Variants in LHX8 observed in about 807,000 individuals in gnomAD.
LHX8 encodes LIM/homeobox protein Lhx8.
In LHX8, 12 loss-of-function variants were observed where a neutral mutation model predicts 40.3. That is an observed-to-expected ratio of 0.30 (90% CI 0.19 to 0.48). The LOEUF (loss-of-function observed/expected upper bound fraction) is 0.48, where lower values mean the gene tolerates loss of function less well. Ranked by LOEUF, LHX8 falls within the 20% of genes least tolerant of loss-of-function variation. The pLI, the probability that LHX8 is intolerant of heterozygous loss-of-function variation, is 0.99. For missense variants in LHX8, 344 were observed against 433.7 expected, an observed-to-expected ratio of 0.79 and a Z score of 1.84; for synonymous variants, 179 against 162.0, an observed-to-expected ratio of 1.10 and a Z score of -0.80.
intron 8 of LHX8, chr1:75,159,492 T>G (rs1028404379): frequency 6.6e-6 from 1 of 152,120 alleles, no homozygotes; most frequent in African/African-American, 2.4e-5. Flanking sequence ...TCTCTATATC[T>G]AATATCCTGT....
chr1:75,136,383 G>A (rs1452185138), intron 1 of LHX8, among the ~76,000 whole-genome samples: 1 of 151,816 alleles, frequency 6.6e-6, no homozygotes, highest in Admixed American at 6.6e-5. Flanking sequence ...AGCGCGGGAC[G>A]AGCTACCAGC....
At chr1:75,137,781 C>A (rs1008929014) in intron 3 of LHX8, among the ~76,000 whole-genome samples, 1 of 152,176 alleles carries the variant, frequency 6.6e-6, no homozygotes, top group African/African-American at 2.4e-5. Flanking sequence ...TGTAAAGTAG[C>A]TTAAAGGATC....
intron 7 of LHX8, among the ~76,000 whole-genome samples, chr1:75,155,523 TGCGCCCG>T (rs1648740134): frequency 6.6e-6 from 1 of 152,114 alleles, no homozygotes; most frequent in Non-Finnish European, 1.5e-5. Context: ...AGTGAGCCAC[TGCGCCCG>T]GCCCATGAAG....
At chr1:75,195,409 A>G in the LHX8 span, among the ~76,000 whole-genome samples, 1 of 152,162 alleles carries the variant, frequency 6.6e-6, no homozygotes, top group African/African-American at 2.4e-5. Flanking sequence ...GAGAAAAGGA[A>G]ACAGTCCTTA....
intron 3 of LHX8, among the ~76,000 whole-genome samples, chr1:75,139,450 A>AT (rs967731171): frequency 6.6e-5 from 10 of 152,160 alleles, no homozygotes; most frequent in African/African-American, 2.4e-4. Context: ...AGCTTTAAAA[A>AT]CAAAACAAAA....
At chr1:75,158,648 C>T (rs1438837833) in intron 8 of LHX8, among the ~76,000 whole-genome samples, 2 of 152,056 alleles carry the variant, frequency 1.3e-5, no homozygotes, top group East Asian at 3.9e-4. Flanking sequence ...GACATATTTG[C>T]CATAAATCAA....
the LHX8 span, among the ~76,000 whole-genome samples, chr1:75,167,352 T>G: frequency 6.6e-6 from 1 of 152,190 alleles, no homozygotes; most frequent in Non-Finnish European, 1.5e-5. Flanking sequence ...ATAAAGTACT[T>G]AGAAAAGTAT....
intron 8 of LHX8, among the ~76,000 whole-genome samples, chr1:75,158,774 A>C (rs1288579025): frequency 2.0e-5 from 3 of 152,116 alleles, no homozygotes; most frequent in African/African-American, 7.2e-5. Flanking sequence ...TTAATATATG[A>C]TAATGTGTTT....
the LHX8 span, among the ~76,000 whole-genome samples, chr1:75,190,658 G>C: frequency 6.6e-6 from 1 of 152,034 alleles, no homozygotes; most frequent in African/African-American, 2.4e-5. Flanking sequence ...AGGAGAAAAA[G>C]AAACTTAAAG....
chr1:75,137,161 C>A lies in LHX8; in HGVS notation c.137C>A (p.Ser46Ter). The change falls in exon 3 of 9, where the codon TCG (serine) becomes TAG (stop). Residue 46 changes from serine to a stop codon, truncating the protein, a stop_gained. Transcript: ENST00000356261. LOFTEE classifies it high-confidence loss of function. ...TCCTCCTCGGCCCCGCTGTCCCCGT[C>A]GTCCTCGCCCCGGTCCATGGCCTCG... ...SCSSSAPLSP[S>*]SSPRSMASGS... is the part of the protein sequence containing the mutation. 1 of 1,613,006 alleles carries A rather than the reference C, an allele frequency of 6.2e-7. No homozygotes were observed. The highest frequency in any genetic ancestry group is 1.3e-5 in the African/African-American group (1 of 75,052).
At chr1:75,138,816 A>G (rs1268492389) in intron 3 of LHX8, among the ~76,000 whole-genome samples, 1 of 152,144 alleles carries the variant, frequency 6.6e-6, no homozygotes, top group Non-Finnish European at 1.5e-5. Flanking sequence ...TTTGTATTGC[A>G]TAAAAATCTA....
the LHX8 span, among the ~76,000 whole-genome samples, chr1:75,186,378 A>G: frequency 1.3e-5 from 2 of 152,180 alleles, no homozygotes; most frequent in Non-Finnish European, 2.9e-5. Flanking sequence ...GACACCAGAA[A>G]TAAGGCTGCA....
chr1:75,177,988 C>T, the LHX8 span, among the ~76,000 whole-genome samples: 1 of 152,118 alleles, frequency 6.6e-6, no homozygotes, highest in African/African-American at 2.4e-5. Context: ...TGTTGATTTG[C>T]ATATGTTGAA....
chr1:75,142,850 T>A (rs1029812129), intron 4 of LHX8, among the ~76,000 whole-genome samples: 2 of 152,268 alleles, frequency 1.3e-5, no homozygotes, highest in South Asian at 2.1e-4. Flanking sequence ...ATTTTAAAAC[T>A]CATTTTAAAA....
chr1:75,136,840 G>GGGTGGGGGGGGGGGGGA, intron 2 of LHX8, 151 bp downstream of exon 2: 1 of 448,620 alleles, frequency 2.2e-6, no homozygotes, highest in Non-Finnish European at 4.2e-6. Flanking sequence ...GGTGGGGTGG[G>GGGTGGGGGGGGGGGGGA]AAGCTTAGCT....
chr1:75,140,314 A>AT (rs563552805), intron 3 of LHX8, among the ~76,000 whole-genome samples: 1 of 152,052 alleles, frequency 6.6e-6, no homozygotes, highest in African/African-American at 2.4e-5. Context: ...GATTAGATTT[A>AT]TTTTTTTCTC....
the LHX8 span, among the ~76,000 whole-genome samples, chr1:75,167,476 C>T: frequency 6.6e-6 from 1 of 152,146 alleles, no homozygotes; most frequent in Admixed American, 6.5e-5. Flanking sequence ...TCTCCTTTCT[C>T]CATTTCTCTT....
chr1:75,136,484 C>A (rs1365190393), intron 1 of LHX8, 119 bp from the exon 2 acceptor site: 11 of 738,640 alleles, frequency 1.5e-5, no homozygotes, highest in Non-Finnish European at 2.2e-5. Flanking sequence ...CGGCTGCACG[C>A]GCTGCCCCGC....
chr1:75,144,877 G>T (rs1852349), intron 6 of LHX8, among the ~76,000 whole-genome samples: 1 of 151,852 alleles, frequency 6.6e-6, no homozygotes, highest in African/African-American at 2.4e-5. Flanking sequence ...CGAAAATCAC[G>T]TTTAGTATTC....
Sources: gnomAD v4.1 joint callset for allele counts (sites outside exome capture counted in the v4.1 genomes callset) on GRCh38, gnomAD v4.1.1 for gene constraint, MANE v1.5 for transcripts, NCBI Gene and HGNC (gene_info 2026-07-23, HGNC 2026-07-21) for gene names.